TRDN: variants seen among roughly 807,000 people sequenced by gnomAD.
The protein encoded by TRDN is triadin in skeletal muscle.
TRDN carries 161 observed loss-of-function variants against 149.7 expected under a neutral mutation model. The ratio of observed to expected loss-of-function variants is 1.08; its 90% confidence interval spans 0.95 to 1.23. The LOEUF is 1.23. Ranked by LOEUF, TRDN falls within the 50% of genes most tolerant of loss-of-function variation. TRDN has a pLI of 0.00. For synonymous variants in TRDN, 294 were observed against 250.5 expected, an observed-to-expected ratio of 1.17 and a Z score of -1.64; for missense variants, 896 against 823.5, an observed-to-expected ratio of 1.09 and a Z score of -1.08.
chr6:123,305,819 C>A (rs1051482369), intron 24 of TRDN, among the ~76,000 whole-genome samples: 1 of 152,088 alleles, frequency 6.6e-6, no homozygotes, highest in African/African-American at 2.4e-5. Context: ...GTACTGTGAG[C>A]AGCTCTGACA....
intron 24 of TRDN, among the ~76,000 whole-genome samples, chr6:123,282,433 T>A (rs928658705): frequency 1.3e-5 from 2 of 151,918 alleles, no homozygotes; most frequent in African/African-American, 4.8e-5. Flanking sequence ...GATCCACATA[T>A]CTGTAAATAG....
At chr6:123,573,955 T>G (rs1429465598) in intron 1 of TRDN, among the ~76,000 whole-genome samples, 1 of 152,008 alleles carries the variant, frequency 6.6e-6, no homozygotes, top group Non-Finnish European at 1.5e-5. Flanking sequence ...ACTCTTCTGG[T>G]TTCTTTAGTC....
At chr6:123,242,820 T>G (rs544754258) in intron 38 of TRDN, among the ~76,000 whole-genome samples, 2 of 149,164 alleles carry the variant, frequency 1.3e-5, no homozygotes, top group African/African-American at 5.0e-5. Context: ...TATGGGAGAG[T>G]TCCTCAACTC....
intron 23 of TRDN, among the ~76,000 whole-genome samples, chr6:123,329,249 A>G (rs1320366752): frequency 6.6e-6 from 1 of 152,162 alleles, no homozygotes; most frequent in African/African-American, 2.4e-5. Flanking sequence ...CCTTTACTCA[A>G]AGAAGAATAT....
intron 16 of TRDN, among the ~76,000 whole-genome samples, chr6:123,379,501 C>T (rs983299607): frequency 3.9e-5 from 6 of 152,132 alleles, no homozygotes; most frequent in Non-Finnish European, 5.9e-5. Flanking sequence ...AATTATAAAA[C>T]ATTTCCAAGA....
chr6:123,558,276 C>T (rs1001877362), intron 2 of TRDN, among the ~76,000 whole-genome samples: 1 of 151,998 alleles, frequency 6.6e-6, no homozygotes, highest in Non-Finnish European at 1.5e-5. Flanking sequence ...ATGACCTCTC[C>T]CCTCCTCCCC....
chr6:123,274,021 C>T (rs961641973), intron 27 of TRDN, among the ~76,000 whole-genome samples: 8 of 152,032 alleles, frequency 5.3e-5, no homozygotes, highest in African/African-American at 1.9e-4. Context: ...GCAAATCAGA[C>T]ACGGGGCAGA....
chr6:123,315,226 G>T (rs1778980540), intron 24 of TRDN, among the ~76,000 whole-genome samples: 1 of 151,696 alleles, frequency 6.6e-6, no homozygotes, highest in African/African-American at 2.4e-5. Context: ...GCAATTTTTT[G>T]TACGCAGTTT....
chr6:123,491,116 AT>A (rs1397966133), intron 9 of TRDN, among the ~76,000 whole-genome samples: 3 of 115,170 alleles, frequency 2.6e-5, no homozygotes, highest in Admixed American at 7.9e-5. Flanking sequence ...AAAAAAAAAA[AT>A]AAAGAAGGAA....
chr6:123,613,535 A>C (rs1784914639), intron 1 of TRDN, among the ~76,000 whole-genome samples: 3 of 152,044 alleles, frequency 2.0e-5, no homozygotes, highest in Admixed American at 2.0e-4. Context: ...CTTTTTTTTT[A>C]AATTAAGCAT....
At chr6:123,614,296 AAAAC>A (rs1784964039) in intron 1 of TRDN, among the ~76,000 whole-genome samples, 1 of 134,910 alleles carries the variant, frequency 7.4e-6, no homozygotes, top group Admixed American at 7.0e-5. Context: ...ATTAAAAAAA[AAAAC>A]AAAAAAAAAA....
intron 9 of TRDN, among the ~76,000 whole-genome samples, chr6:123,467,693 T>A (rs1776914130): frequency 6.6e-6 from 1 of 152,180 alleles, no homozygotes; most frequent in African/African-American, 2.4e-5. Context: ...ACACACGACT[T>A]TGGTCCTGAC....
At position 123,219,691 on chromosome 6, in the gene TRDN, C is replaced by A. The variant is rs79290410; in HGVS notation, c.2051-951G>T. Among the ~76,000 whole-genome samples the A allele has an allele frequency of 1.1e-3, 173 of 151,854 alleles. 2 individuals are homozygous for A. In the East Asian group the frequency reaches 0.027, roughly 23 times the overall value. On this transcript the variant is annotated intron_variant, in intron 40 of 40. Transcript: ENST00000334268. ...CAGGGATGACAATAGTTTGAAGAAT[C>A]TTGAATTTAGTTATCTTTTCCAATG...
chr6:123,475,793 G>A (rs1361517428), intron 9 of TRDN, among the ~76,000 whole-genome samples: 1 of 149,746 alleles, frequency 6.7e-6, no homozygotes. Flanking sequence ...TATAAACAGA[G>A]CCAAAGACAA....
intron 40 of TRDN, among the ~76,000 whole-genome samples, chr6:123,219,087 T>C (rs567911532): frequency 3.3e-5 from 5 of 152,026 alleles, no homozygotes; most frequent in African/African-American, 4.8e-5. Flanking sequence ...ATAGCAATCA[T>C]AGAGACATAG....
At chr6:123,257,571 T>C (rs1435847239) in intron 35 of TRDN, among the ~76,000 whole-genome samples, 1 of 152,170 alleles carries the variant, frequency 6.6e-6, no homozygotes, top group Non-Finnish European at 1.5e-5. Flanking sequence ...TGGAGTCAGG[T>C]AGTGTGATGC....
chr6:123,532,198 G>T (rs544779364), intron 4 of TRDN, among the ~76,000 whole-genome samples: 1 of 151,888 alleles, frequency 6.6e-6, no homozygotes, highest in African/African-American at 2.4e-5. Context: ...CAAAAACTTA[G>T]AATAAAATAT....
At chr6:123,551,673 A>ATATTT (rs780534868) in intron 2 of TRDN, among the ~76,000 whole-genome samples, 38 of 152,074 alleles carry the variant, frequency 2.5e-4, no homozygotes, top group Non-Finnish European at 4.7e-4. Flanking sequence ...TGACATAGGT[A>ATATTT]TATTATTTTA....
At position 123,552,518 on chromosome 6, in the gene TRDN, T is replaced by C. The variant is rs559170531; in HGVS notation, c.233-3906A>G. On this transcript the variant is annotated intron_variant, in intron 2 of 40. Coordinates refer to ENST00000334268, the MANE Select transcript of TRDN (RefSeq NM_006073.4). ...CATTGGCACACAATGGTTACAAGCT[T>C]GGGTTCTGAGTTCAGACTGATAGCA... 1.2e-4 allele frequency among the ~76,000 whole-genome samples: 19 copies of C among 152,260 alleles called. No individual in the cohort carries two copies. In the East Asian group the frequency reaches 2.9e-3, roughly 23 times the overall value.
Sources: allele counts gnomAD v4.1 joint callset (sites outside exome capture counted in the v4.1 genomes callset), GRCh38; gene constraint gnomAD v4.1.1; transcripts MANE v1.5; gene names NCBI Gene and HGNC (gene_info 2026-07-23, HGNC 2026-07-21).